MOB3B: variants seen among roughly 807,000 people sequenced by gnomAD.
MOB3B encodes the protein MOB kinase activator-like 2B.
In MOB3B, 7 loss-of-function variants were observed where a neutral mutation model predicts 18.7. That is an observed-to-expected ratio of 0.37 (90% CI 0.21 to 0.70). The LOEUF (loss-of-function observed/expected upper bound fraction) is 0.70. MOB3B is among the 30% of genes least tolerant of loss of function. MOB3B has a pLI of 0.52. For missense variants in MOB3B, 253 were observed against 281.3 expected (o/e 0.90, Z 0.72); for synonymous variants, 111 against 99.9 (o/e 1.11, Z -0.66).
At chr9:27,447,338 C>T (rs1012386841) in intron 2 of MOB3B, among the ~76,000 whole-genome samples, 6 of 152,148 alleles carry the variant, frequency 3.9e-5, no homozygotes, top group African/African-American at 1.4e-4. Context: ...GTACAGGCTT[C>T]GTTGACTAAG....
intron 2 of MOB3B, among the ~76,000 whole-genome samples, chr9:27,403,695 G>A (rs1406518630): frequency 1.3e-5 from 2 of 151,962 alleles, no homozygotes; most frequent in Non-Finnish European, 2.9e-5. Flanking sequence ...TGGCCAGGCT[G>A]GTCCTGAACT....
intron 2 of MOB3B, among the ~76,000 whole-genome samples, chr9:27,364,041 A>G (rs936119242): frequency 1.7e-4 from 26 of 152,348 alleles, no homozygotes; most frequent in African/African-American, 5.3e-4. Context: ...TATCTTGTCC[A>G]GCCAAAAACA....
intron 2 of MOB3B, among the ~76,000 whole-genome samples, chr9:27,375,850 C>G (rs1010174517): frequency 6.6e-6 from 1 of 152,200 alleles, no homozygotes; most frequent in African/African-American, 2.4e-5. Flanking sequence ...TCTGAAAAAA[C>G]TTCTAATCTA....
At chr9:27,379,073 G>A (rs1330985622) in intron 2 of MOB3B, among the ~76,000 whole-genome samples, 2 of 152,168 alleles carry the variant, frequency 1.3e-5, no homozygotes, top group Admixed American at 1.3e-4. Context: ...GTGATAGTGA[G>A]CTCCCCAGGC....
At position 27,525,672 on chromosome 9, in the gene MOB3B, A is replaced by T. The variant is rs111999455; in HGVS notation, c.-199+3883T>A. Among the ~76,000 whole-genome samples the T allele has an allele frequency of 3.2e-3, 486 of 152,164 alleles. 5 individuals carry two copies. The highest frequency in any genetic ancestry group is 0.011 in the African/African-American group (472 of 41,534). Reference sequence around the variant, plus strand: ...TCCTGATGTATATTGTTTGATTCCTACATCTAAAGGCATGGAAAATGCTGT... The same window carrying T: ...TCCTGATGTATATTGTTTGATTCCTTCATCTAAAGGCATGGAAAATGCTGT... On this transcript the variant is annotated intron_variant, in intron 1 of 3. Transcript: ENST00000262244.
rs142844148 is a variant in MOB3B, at chr9:27,502,538, G to A, written c.-199+27017C>T. Among the ~76,000 whole-genome samples the A allele has an allele frequency of 6.7e-3, 1,021 of 152,306 alleles. 5 individuals carry two copies. Among genetic ancestry groups the A allele is most frequent in the Non-Finnish European group, 0.01 (703 of 68,028 alleles). ...GCACAAAAACACCCATCAGCCAACT[G>A]AGGACTGTTGTGTGAAGACTAATGT... is the stretch of plus-strand genomic sequence containing the variant. On this transcript the variant is annotated intron_variant, in intron 1 of 3. Coordinates refer to ENST00000262244, the MANE Select transcript of MOB3B (RefSeq NM_024761.5).
In MOB3B at chr9:27,468,234, G is replaced by A. The variant is rs143332418; in HGVS notation, c.-198-12486C>T. On this transcript the variant is annotated intron_variant, in intron 1 of 3. Transcript: ENST00000262244. ...GCTCAGTGGCAGACACACAGAGACAGACTGCTCAGAACAGAGTCCCCCATC... is the reference window on the plus strand; with the variant it reads ...GCTCAGTGGCAGACACACAGAGACAAACTGCTCAGAACAGAGTCCCCCATC... Among the ~76,000 whole-genome samples the A allele has an allele frequency of 1.8e-4, 28 of 152,288 alleles. 1 individual carries two copies. The highest frequency in any genetic ancestry group is 1.4e-3 in the Admixed American group (22 of 15,298).
chr9:27,425,482 A>G (rs1441288053), intron 2 of MOB3B, among the ~76,000 whole-genome samples: 2 of 152,312 alleles, frequency 1.3e-5, no homozygotes, highest in Middle Eastern at 3.4e-3. Context: ...GCTGTGATAC[A>G]TATAGTACCC....
chr9:27,385,057 T>A (rs1821631502), intron 2 of MOB3B, among the ~76,000 whole-genome samples: 1 of 152,074 alleles, frequency 6.6e-6, no homozygotes, highest in African/African-American at 2.4e-5. Context: ...TAGCATCAAG[T>A]CAAAGCTGTT....
chr9:27,514,801 CA>C (rs56793333), intron 1 of MOB3B, among the ~76,000 whole-genome samples: 4,812 of 152,308 alleles, frequency 0.032, 99 homozygotes, highest in Middle Eastern at 0.065. Context: ...GCATGTCTGC[CA>C]AGGAACTGCA....
At chr9:27,380,871 A>T (rs1161009949) in intron 2 of MOB3B, among the ~76,000 whole-genome samples, 2 of 152,226 alleles carry the variant, frequency 1.3e-5, no homozygotes, top group Non-Finnish European at 2.9e-5. Context: ...CATTCAAAGA[A>T]GATGTCTGGG....
At chr9:27,365,363 T>TC (rs1351113267) in intron 2 of MOB3B, among the ~76,000 whole-genome samples, 5 of 112,258 alleles carry the variant, frequency 4.5e-5, no homozygotes, top group African/African-American at 1.6e-4. Context: ...TTCCTTCTTC[T>TC]CTTTTTTTTT....
chr9:27,347,363 T>C (rs929048355), intron 3 of MOB3B, among the ~76,000 whole-genome samples: 1 of 152,234 alleles, frequency 6.6e-6, no homozygotes, highest in African/African-American at 2.4e-5. Flanking sequence ...TGCCTGCACA[T>C]AGAAGCAGGC....
chr9:27,449,534 G>C (rs1019430807), intron 2 of MOB3B, among the ~76,000 whole-genome samples: 4 of 152,190 alleles, frequency 2.6e-5, no homozygotes, highest in Admixed American at 1.3e-4. Flanking sequence ...CTAAGTGACA[G>C]AGCTAATTGA....
At chr9:27,366,979 G>A (rs1056733747) in intron 2 of MOB3B, among the ~76,000 whole-genome samples, 5 of 152,196 alleles carry the variant, frequency 3.3e-5, no homozygotes, top group Non-Finnish European at 7.3e-5. Context: ...AATTCCACAT[G>A]TATCTGTGGG....
chr9:27,395,283 T>A (rs1223890909), intron 2 of MOB3B, among the ~76,000 whole-genome samples: 1 of 152,192 alleles, frequency 6.6e-6, no homozygotes, highest in African/African-American at 2.4e-5. Context: ...ACTTGAAAAG[T>A]GTTAAGAGAC....
intron 2 of MOB3B, among the ~76,000 whole-genome samples, chr9:27,424,715 C>T (rs138308909): frequency 1.2e-3 from 180 of 152,248 alleles, no homozygotes; most frequent in Non-Finnish European, 2.2e-3. Flanking sequence ...TTTGTACTGG[C>T]CACCGAGCAA....
chr9:27,438,995 A>G (rs911586242), intron 2 of MOB3B, among the ~76,000 whole-genome samples: 3 of 152,194 alleles, frequency 2.0e-5, no homozygotes, highest in Non-Finnish European at 4.4e-5. Context: ...TGATATGTGT[A>G]GCTTCTACTA....
At chr9:27,424,788 T>C (rs1822302537) in intron 2 of MOB3B, among the ~76,000 whole-genome samples, 1 of 152,116 alleles carries the variant, frequency 6.6e-6, no homozygotes, top group Admixed American at 6.5e-5. Flanking sequence ...TTCCTACCAT[T>C]TGCCACAGAT....
Sources: allele counts gnomAD v4.1 joint callset (sites outside exome capture counted in the v4.1 genomes callset), GRCh38; gene constraint gnomAD v4.1.1; transcripts MANE v1.5; gene names NCBI Gene and HGNC (gene_info 2026-07-23, HGNC 2026-07-21).